Variants in KCNB2 observed in about 807,000 individuals in gnomAD.
KCNB2 encodes potassium voltage-gated channel subfamily B member 2.
In KCNB2, 15 loss-of-function variants were observed where a neutral mutation model predicts 61.5. That is an observed-to-expected ratio of 0.24 (90% CI 0.16 to 0.38). The LOEUF is 0.38. Ranked by LOEUF, KCNB2 falls within the 10% of genes least tolerant of loss-of-function variation. KCNB2 has a pLI of 1.00. For missense variants in KCNB2, 828 were observed against 1,125.2 expected (o/e 0.74, Z 3.78); for synonymous variants, 457 against 446.0 (o/e 1.02, Z -0.31).
chr8:72,841,322 G>GA (rs142373046), intron 2 of KCNB2, among the ~76,000 whole-genome samples: 127,310 of 149,022 alleles, frequency 0.85, 55,329 homozygotes, highest in Middle Eastern at 0.97. Context: ...AGTATAGTTT[G>GA]AGTCAGGTAG....
chr8:72,602,947 A>G (rs1321568384), intron 2 of KCNB2, among the ~76,000 whole-genome samples: 2 of 152,004 alleles, frequency 1.3e-5, no homozygotes, highest in African/African-American at 4.8e-5. Flanking sequence ...TTTGAGGTTA[A>G]GCACTAAAAA....
At chr8:72,702,519 T>C (rs531356681) in intron 2 of KCNB2, among the ~76,000 whole-genome samples, 24 of 152,150 alleles carry the variant, frequency 1.6e-4, no homozygotes, top group Non-Finnish European at 2.8e-4. Context: ...GTCAATTACT[T>C]TGCTAGTGGC....
chr8:72,720,058 A>T (rs1047455105), intron 2 of KCNB2, among the ~76,000 whole-genome samples: 1 of 152,188 alleles, frequency 6.6e-6, no homozygotes, highest in African/African-American at 2.4e-5. Flanking sequence ...TACCCATTTT[A>T]TCTCCCTGCA....
intron 2 of KCNB2, among the ~76,000 whole-genome samples, chr8:72,585,144 T>G (rs1806983712): frequency 6.6e-6 from 1 of 152,194 alleles, no homozygotes; most frequent in Admixed American, 6.5e-5. Flanking sequence ...ACCTGGCAAA[T>G]AGGGAGCACT....
At chr8:72,829,865 C>T (rs1030169108) in intron 2 of KCNB2, among the ~76,000 whole-genome samples, 4 of 151,492 alleles carry the variant, frequency 2.6e-5, no homozygotes, top group Non-Finnish European at 5.9e-5. Flanking sequence ...CCTTCATAAC[C>T]ATCAATATAT....
At chr8:72,550,417 A>G (rs1462411710) in intron 1 of KCNB2, among the ~76,000 whole-genome samples, 1 of 152,180 alleles carries the variant, frequency 6.6e-6, no homozygotes, top group African/African-American at 2.4e-5. Context: ...TTCGAGGCTT[A>G]TGGTCTGCCT....
At chr8:72,736,688 G>A (rs768028511) in intron 2 of KCNB2, among the ~76,000 whole-genome samples, 1 of 152,064 alleles carries the variant, frequency 6.6e-6, no homozygotes, top group East Asian at 1.9e-4. Context: ...CAAGGATAAT[G>A]CATTCTAAAT....
intron 2 of KCNB2, among the ~76,000 whole-genome samples, chr8:72,633,593 G>T (rs571061518): frequency 1.3e-5 from 2 of 152,218 alleles, no homozygotes; most frequent in Admixed American, 1.3e-4. Flanking sequence ...TCTCTTAGAA[G>T]ACTCTGAGGG....
chr8:72,710,715 C>T (rs1045065334), intron 2 of KCNB2, among the ~76,000 whole-genome samples: 3 of 152,118 alleles, frequency 2.0e-5, no homozygotes, highest in Non-Finnish European at 4.4e-5. Context: ...TACGTTACCT[C>T]CTTGGTTAGA....
chr8:72,786,504 T>C (rs1808848004), intron 2 of KCNB2, among the ~76,000 whole-genome samples: 1 of 152,154 alleles, frequency 6.6e-6, no homozygotes, highest in African/African-American at 2.4e-5. Context: ...CAATATGAGA[T>C]TGGTTTCTGG....
chr8:72,631,787 T>C (rs1460425166), intron 2 of KCNB2, among the ~76,000 whole-genome samples: 1 of 152,224 alleles, frequency 6.6e-6, no homozygotes. Flanking sequence ...CCTACTGAGT[T>C]GATTTCCATG....
intron 2 of KCNB2, among the ~76,000 whole-genome samples, chr8:72,613,679 T>C (rs1241121391): frequency 4.6e-5 from 7 of 152,150 alleles, no homozygotes. Flanking sequence ...CACTCAGGGG[T>C]ATCCGATGAC....
chr8:72,759,692 G>C (rs1263609340), intron 2 of KCNB2, among the ~76,000 whole-genome samples: 3 of 150,844 alleles, frequency 2.0e-5, no homozygotes, highest in Non-Finnish European at 4.4e-5. Context: ...GGGCCTTGGA[G>C]ATAGAGATAG....
At chr8:72,796,157 A>G (rs939364446) in intron 2 of KCNB2, among the ~76,000 whole-genome samples, 2 of 152,202 alleles carry the variant, frequency 1.3e-5, no homozygotes, top group African/African-American at 4.8e-5. Flanking sequence ...TTGTATCACC[A>G]GGAAATATTT....
chr8:72,761,562 A>T (rs1808381482), intron 2 of KCNB2, among the ~76,000 whole-genome samples: 1 of 152,168 alleles, frequency 6.6e-6, no homozygotes, highest in Non-Finnish European at 1.5e-5. Flanking sequence ...GTTTATAATG[A>T]GAGGAAAATG....
At chr8:72,737,421 G>T (rs912159500) in intron 2 of KCNB2, among the ~76,000 whole-genome samples, 2 of 152,268 alleles carry the variant, frequency 1.3e-5, no homozygotes, top group African/African-American at 4.8e-5. Context: ...CACCTTCACA[G>T]CTTGTAAACA....
chr8:72,851,971 C>T (rs1240204411), intron 2 of KCNB2, among the ~76,000 whole-genome samples: 1 of 151,894 alleles, frequency 6.6e-6, no homozygotes, highest in African/African-American at 2.4e-5. Context: ...CGTGGTGCCC[C>T]GTGCCTGTAA....
intron 2 of KCNB2, among the ~76,000 whole-genome samples, chr8:72,806,465 A>C (rs920052463): frequency 2.0e-5 from 3 of 151,802 alleles, no homozygotes; most frequent in Non-Finnish European, 4.4e-5. Flanking sequence ...AAAATTAGCC[A>C]GGCATGGTGG....
intron 2 of KCNB2, among the ~76,000 whole-genome samples, chr8:72,886,434 T>A (rs1393268378): frequency 3.3e-5 from 5 of 152,238 alleles, no homozygotes; most frequent in Admixed American, 6.5e-5. Flanking sequence ...CTTGTGACAG[T>A]CCTCTGGCTC....
Sources: gnomAD v4.1 joint callset for allele counts (sites outside exome capture counted in the v4.1 genomes callset) on GRCh38, gnomAD v4.1.1 for gene constraint, MANE v1.5 for transcripts, NCBI Gene and HGNC (gene_info 2026-07-23, HGNC 2026-07-21) for gene names.